Variants in CCDC38 observed in about 807,000 individuals in gnomAD.
CCDC38 encodes the protein coiled-coil domain containing 38.
Under a neutral mutation model 72.8 loss-of-function variants are expected in CCDC38, and 69 were observed. The observed-to-expected ratio is 0.95, with a 90% CI of 0.78 to 1.16. The LOEUF (loss-of-function observed/expected upper bound fraction) is 1.16. Among genes scored for constraint, CCDC38 ranks in the 50% most tolerant of loss-of-function variants. CCDC38 has a pLI of 0.00. For missense variants in CCDC38, 626 were observed against 638.9 expected, an observed-to-expected ratio of 0.98 and a Z score of 0.22; for synonymous variants, 201 against 213.2, an observed-to-expected ratio of 0.94 and a Z score of 0.50.
intron 3 of CCDC38, 84 bp downstream of exon 3, chr12:95,918,792 C>T (rs10777750): frequency 0.4 from 347,868 of 878,940 alleles, 78,366 homozygotes; most frequent in African/African-American, 0.77. Flanking sequence ...CTCCATGTCT[C>T]AGCCCAGCAA....
At chr12:95,904,577 A>G (rs1327292195) in intron 5 of CCDC38, among the ~76,000 whole-genome samples, 1 of 152,256 alleles carries the variant, frequency 6.6e-6, no homozygotes, top group African/African-American at 2.4e-5. Context: ...TGGAACTAGG[A>G]GGTGTTATCC....
In CCDC38 at chr12:95,879,880, T is replaced by C; in HGVS notation, c.991-85A>G. ...GACTTATCTAGAAAATACAGTGGGG[T>C]AAAGGAAGACAGTTCTAAGGATGAG... is the stretch of plus-strand genomic sequence containing the variant. On this transcript the variant is annotated intron_variant, in intron 11 of 15. Transcript: ENST00000344280. This position sits in a 1 kb window ranked among gnomAD's most constrained non-coding sequence, Gnocchi z 5.5. 9.6e-7 allele frequency: 1 copy of C among 1,045,096 alleles called. No homozygotes were observed. The highest frequency in any genetic ancestry group is 2.6e-4 in the Middle Eastern group (1 of 3,774). The allele number at this position is 1,045,096 out of a possible 1,614,324, so 64.7% of individuals were successfully genotyped here.
chr12:95,938,901 G>T (rs1002065107), intron 1 of CCDC38, among the ~76,000 whole-genome samples: 6 of 152,190 alleles, frequency 3.9e-5, no homozygotes, highest in Non-Finnish European at 8.8e-5. Context: ...TTAAATACAC[G>T]TTCACATCCA....
intron 4 of CCDC38, among the ~76,000 whole-genome samples, chr12:95,906,976 C>A (rs1014784313): frequency 1.3e-5 from 2 of 151,084 alleles, no homozygotes; most frequent in African/African-American, 4.9e-5. Flanking sequence ...TGCGGCCTTC[C>A]GCAGCGTTTG....
intron 5 of CCDC38, among the ~76,000 whole-genome samples, chr12:95,900,665 C>T (rs1241926151): frequency 6.6e-6 from 1 of 152,102 alleles, no homozygotes; most frequent in African/African-American, 2.4e-5. Flanking sequence ...CATTAGAATG[C>T]CTGAGTATTT....
chr12:95,887,420 A>C (rs1019901191), intron 10 of CCDC38, among the ~76,000 whole-genome samples: 8 of 152,248 alleles, frequency 5.3e-5, no homozygotes, highest in Non-Finnish European at 1.2e-4. Flanking sequence ...ACTACTCATC[A>C]ATAAAAAGGA....
chr12:95,902,937 TG>T (rs1469392293), intron 5 of CCDC38, among the ~76,000 whole-genome samples: 13 of 152,104 alleles, frequency 8.5e-5, no homozygotes, highest in Non-Finnish European at 1.8e-4. Flanking sequence ...GGATTTGTAC[TG>T]AGATTGCATT....
intron 4 of CCDC38, among the ~76,000 whole-genome samples, chr12:95,908,355 G>C (rs2080039218): frequency 6.7e-6 from 1 of 148,406 alleles, no homozygotes; most frequent in Non-Finnish European, 1.5e-5. Flanking sequence ...GCAGGCACTC[G>C]GCAGGCTGAG....
At chr12:95,915,919 T>C (rs1354095650) in intron 4 of CCDC38, among the ~76,000 whole-genome samples, 3 of 152,236 alleles carry the variant, frequency 2.0e-5, no homozygotes, top group Non-Finnish European at 4.4e-5. Context: ...GTAACTTCTC[T>C]GTTAAATAGC....
At chr12:95,937,382 T>C in intron 1 of CCDC38, among the ~76,000 whole-genome samples, 1 of 152,226 alleles carries the variant, frequency 6.6e-6, no homozygotes, top group Non-Finnish European at 1.5e-5. Context: ...TTTTGATTAC[T>C]GAGTTTTTGC....
At chr12:95,910,429 A>G (rs1051117764) in intron 4 of CCDC38, among the ~76,000 whole-genome samples, 6 of 152,228 alleles carry the variant, frequency 3.9e-5, no homozygotes, top group African/African-American at 1.4e-4. Context: ...ACACAAACAA[A>G]TTGAAAAACA....
intron 2 of CCDC38, among the ~76,000 whole-genome samples, chr12:95,920,338 A>G (rs2136722989): frequency 6.6e-6 from 1 of 152,248 alleles, no homozygotes; most frequent in Admixed American, 6.5e-5. Flanking sequence ...TTCACTTTCC[A>G]CCATAATTAT....
chr12:95,923,367 T>C (rs896579446), intron 2 of CCDC38, among the ~76,000 whole-genome samples: 10 of 152,050 alleles, frequency 6.6e-5, no homozygotes, highest in Non-Finnish European at 1.0e-4. Flanking sequence ...ATGCCTTATA[T>C]ACCATCACTC....
At chr12:95,872,851 C>G (rs2121412475) in intron 13 of CCDC38, among the ~76,000 whole-genome samples, 1 of 152,326 alleles carries the variant, frequency 6.6e-6, no homozygotes, top group African/African-American at 2.4e-5. Flanking sequence ...GCCACTGTGC[C>G]TGGCCTAATG....
chr12:95,893,625 G>C (rs768992448), intron 8 of CCDC38, among the ~76,000 whole-genome samples: 1 of 151,770 alleles, frequency 6.6e-6, no homozygotes. Flanking sequence ...TAGCTGGGAG[G>C]TGTGCATCAC....
At chr12:95,876,520 C>T (rs80247972) in intron 13 of CCDC38, among the ~76,000 whole-genome samples, 19,990 of 152,090 alleles carry the variant, frequency 0.13, 1,782 homozygotes, top group Non-Finnish European at 0.19. Flanking sequence ...TTGAATGACA[C>T]GCTTAAAATA....
chr12:95,912,677 T>C (rs2080106838), intron 4 of CCDC38, among the ~76,000 whole-genome samples: 2 of 152,228 alleles, frequency 1.3e-5, no homozygotes. Flanking sequence ...ATTACTCCGA[T>C]TTGATTATGG....
chr12:95,910,785 G>C (rs1229328173), intron 4 of CCDC38, among the ~76,000 whole-genome samples: 2 of 152,200 alleles, frequency 1.3e-5, no homozygotes, highest in African/African-American at 4.8e-5. Flanking sequence ...GATTGCTTGA[G>C]TTTAGAAGTT....
At chr12:95,911,162 T>C (rs1341069409) in intron 4 of CCDC38, among the ~76,000 whole-genome samples, 2 of 152,040 alleles carry the variant, frequency 1.3e-5, no homozygotes, top group South Asian at 2.1e-4. Flanking sequence ...CAATAAATGG[T>C]GCAGGGAAAA....
Sources: gnomAD v4.1 joint callset for allele counts (sites outside exome capture counted in the v4.1 genomes callset) on GRCh38, gnomAD v4.1.1 for gene constraint, Gnocchi (gnomAD v3.1) non-coding constraint, MANE v1.5 for transcripts, NCBI Gene and HGNC (gene_info 2026-07-23, HGNC 2026-07-21) for gene names.